The following SLC12A2 variants were observed in gnomAD, a reference collection of about 807,000 sequenced individuals.
The protein encoded by SLC12A2 is Na-K-2Cl cotransporter 1.
In SLC12A2, 67 loss-of-function variants were observed where a neutral mutation model predicts 136.3. The ratio of observed to expected loss-of-function variants is 0.49; its 90% CI spans 0.40 to 0.60. SLC12A2 has a LOEUF of 0.60. Among genes scored for constraint, SLC12A2 ranks in the 20% least tolerant of loss-of-function variants. SLC12A2 has a pLI of 0.00. For synonymous variants in SLC12A2, 619 were observed against 562.9 expected (o/e 1.10, Z -1.41); for missense variants, 1,322 against 1,534.7 (o/e 0.86, Z 2.32).
intron 4 of SLC12A2, among the ~76,000 whole-genome samples, chr5:128,121,311 A>AT (rs1170645665): frequency 1.3e-4 from 20 of 151,822 alleles, no homozygotes; most frequent in Admixed American, 9.2e-4. Flanking sequence ...GTGGGGTACT[A>AT]TTTTTTTATT....
Position 128,127,785 on chromosome 5 carries a change from T to G in SLC12A2, c.1049-3282T>G, listed in dbSNP as rs565409807. On this transcript the variant is annotated intron_variant, in intron 4 of 26. Coordinates refer to ENST00000262461, the MANE Select transcript of SLC12A2 (RefSeq NM_001046.3). ...GGATTTGTAATGACATGTCCCTGCT[T>G]TCATTCCTAATTTACTTTTTTCTTC... is the stretch of plus-strand genomic sequence containing the variant. Among the ~76,000 whole-genome samples, 3 of 152,256 alleles carry G rather than the reference T, an allele frequency of 2.0e-5. No homozygotes were observed. The South Asian group carries it at 6.2e-4, about 32-fold the overall frequency.
chr5:128,162,663 T>C (rs772058102), intron 17 of SLC12A2, among the ~76,000 whole-genome samples: 3 of 151,978 alleles, frequency 2.0e-5, no homozygotes, highest in Admixed American at 6.6e-5. Context: ...ACAAAAGATA[T>C]GGTCCAGAGT....
chr5:128,178,534 T>A (rs1763602448), intron 21 of SLC12A2, 33 bp from the exon 22 acceptor site: 1 of 1,486,646 alleles, frequency 6.7e-7, no homozygotes, highest in Non-Finnish European at 9.0e-7. Flanking sequence ...ATATTTACTT[T>A]GCTTACATTT....
intron 16 of SLC12A2, 46 bp downstream of exon 16, chr5:128,158,210 T>C (rs966148920): frequency 7.1e-7 from 1 of 1,400,562 alleles, no homozygotes; most frequent in Non-Finnish European, 1.0e-6. Context: ...TTTTAAAGTT[T>C]TATTTTAGGT....
Position 128,131,040 on chromosome 5 carries a change from T to C in SLC12A2, c.1049-27T>C, listed in dbSNP as rs746955987. On this transcript the variant is annotated intron_variant, in intron 4 of 26. Transcript: ENST00000262461. The stretch of plus-strand genomic sequence containing the variant: ...TTTAAATCCTAACTTTAGTACCTGT[T>C]TTTTTTGTTTGTTTGTTTGTTTTTA... 4.4e-6 allele frequency: 7 copies of C among 1,608,910 alleles called. No individual in the cohort carries two copies. The South Asian group carries it at 6.6e-5, about 15-fold the overall frequency.
At chr5:128,155,764 A>G (rs1462273935) in intron 15 of SLC12A2, among the ~76,000 whole-genome samples, 1 of 152,164 alleles carries the variant, frequency 6.6e-6, no homozygotes, top group Non-Finnish European at 1.5e-5. Flanking sequence ...GAAGTCCTTA[A>G]TGTAGATTAA....
At chr5:128,099,409 T>G (rs1272594276) in intron 1 of SLC12A2, among the ~76,000 whole-genome samples, 1 of 152,200 alleles carries the variant, frequency 6.6e-6, no homozygotes, top group Non-Finnish European at 1.5e-5. Flanking sequence ...TAGAAGTTAC[T>G]CTGAGTGAAT....
intron 17 of SLC12A2, among the ~76,000 whole-genome samples, chr5:128,166,642 C>CATA (rs1201527089): frequency 6.6e-6 from 1 of 151,778 alleles, no homozygotes; most frequent in Admixed American, 6.6e-5. Context: ...GTACATATTA[C>CATA]CAAGGGTTGG....
rs374646409 is a variant in SLC12A2 at position 128,131,056 on chromosome 5, T to C, written c.1049-11T>C. 1.2e-6 allele frequency: 2 copies of C among 1,611,810 alleles called. No homozygotes were observed. Among genetic ancestry groups the C allele is most frequent in the Non-Finnish European group, 1.7e-6 (2 of 1,179,002 alleles). ...AGTACCTGTTTTTTTTGTTTGTTTG[T>C]TTGTTTTTAGGAGGAGCATATTATT... On this transcript the variant is annotated splice_polypyrimidine_tract_variant and intron_variant, in intron 4 of 26. Coordinates refer to ENST00000262461, the MANE Select transcript of SLC12A2 (RefSeq NM_001046.3).
Position 128,158,041 on chromosome 5 carries a change from A to G in SLC12A2, c.2364-12A>G, listed in dbSNP as rs764242001. On this transcript the variant is annotated splice_polypyrimidine_tract_variant and intron_variant, in intron 15 of 26. Transcript: ENST00000262461. ...TTTATCTAATTTTGTTTGTCTTTTC[A>G]TCTTAAATTAGGCCACAGTGTCTTG... 8.2e-6 allele frequency: 13 copies of G among 1,591,452 alleles called. No individual in the cohort carries two copies. The South Asian group carries it at 1.2e-4, about 14-fold the overall frequency.
At chr5:128,110,839 G>T in intron 1 of SLC12A2, 1 of 1,466,304 alleles carries the variant, frequency 6.8e-7, no homozygotes, top group Non-Finnish European at 9.5e-7. Context: ...CATGGATGAT[G>T]ACATATTCTG....
Position 128,084,237 on chromosome 5 carries a change from G to A in SLC12A2, c.283G>A (p.Ala95Thr), listed in dbSNP as rs1440016177. Reference protein sequence around the residue: ...LVSENAGRAAAAAAAAAAAAA... With the variant: ...LVSENAGRAATAAAAAAAAAA... ...TTCCGAGAACGCCGGGCGGGCCGCT[G>A]CTGCGGCGGCGGCGGCGGCGGCGGC... Residue 95 changes from alanine (A) to threonine (T), a missense_variant, in exon 1 of 27, where the codon GCT becomes ACT. By Grantham distance (58) the Ala-to-Thr change is moderately conservative (BLOSUM62 0). Transcript: ENST00000262461. This position sits in a 1 kb window ranked among gnomAD's most constrained non-coding sequence, Gnocchi z 5.6. The A allele has an allele frequency of 4.7e-6, 6 of 1,283,006 alleles. No individual in the cohort carries two copies. Among genetic ancestry groups the A allele is most frequent in the Non-Finnish European group, 4.9e-6 (5 of 1,025,892 alleles). 79.5% of individuals were successfully genotyped at this position (1,283,006 alleles called of 1,614,324 possible).
chr5:128,114,700 A>AATC lies in SLC12A2; in HGVS notation c.1048+30_1048+32dup, dbSNP rs746535421. On this transcript the variant is annotated intron_variant, in intron 4 of 26. Transcript: ENST00000262461. ...AGAGGAGGTAAGTAGAATCTTTTTG[A>AATC]ATCATCATCATCAGATTACTCTTAC... 1 of 1,374,628 alleles carries AATC rather than the reference A, an allele frequency of 7.3e-7. No homozygotes were observed. The highest frequency in any genetic ancestry group is 1.0e-6 in the Non-Finnish European group (1 of 962,586). 85.2% of individuals were successfully genotyped at this position (1,374,628 alleles called of 1,614,324 possible).
intron 26 of SLC12A2, 39 bp from the exon 27 acceptor site, chr5:128,186,457 C>CA: frequency 6.9e-7 from 1 of 1,445,950 alleles, no homozygotes; most frequent in Non-Finnish European, 9.1e-7. Flanking sequence ...ATGCATTGCT[C>CA]AGGGTTTTTT....
chr5:128,149,630 T>C (rs1369767895), intron 12 of SLC12A2, among the ~76,000 whole-genome samples: 1 of 151,876 alleles, frequency 6.6e-6, no homozygotes, highest in East Asian at 1.9e-4. Flanking sequence ...AAAATAAATG[T>C]AAAAGATCAA....
In SLC12A2 at chr5:128,150,091, A is replaced by G; in HGVS notation, c.2100A>G (p.Lys700=). The G allele has an allele frequency of 6.3e-7, 1 of 1,578,030 alleles. No homozygotes were observed. The highest frequency in any genetic ancestry group is 1.7e-5 in the Admixed American group (1 of 59,220). ...CAGTATTCCATGCATCACTTGCAAA[A>G]TCTCCAGGTAATTTTACATTTTTAA... ...NFSVFHASLA[K]SPGWRPAFKY... The change falls in exon 13 of 27, where the codon AAA becomes AAG. Residue 700 remains lysine, a synonymous_variant. Transcript: ENST00000262461.
At chr5:128,154,065 A>C (rs1233419727) in intron 15 of SLC12A2, among the ~76,000 whole-genome samples, 2 of 134,022 alleles carry the variant, frequency 1.5e-5, no homozygotes, top group African/African-American at 3.4e-5. Flanking sequence ...TTAAAAAAAA[A>C]AACAAAAAAA....
rs916474446 is a variant in SLC12A2 at position 128,148,690 on chromosome 5, G to T, written c.1882-64G>T. 2.2e-6 allele frequency: 3 copies of T among 1,364,312 alleles called. No homozygotes were observed. In the African/African-American group the frequency reaches 4.4e-5, roughly 20 times the overall value. The allele number at this position is 1,364,312 out of a possible 1,614,324, so 84.5% of individuals were successfully genotyped here. The stretch of plus-strand genomic sequence containing the variant: ...AATCTCATTCCTGATTAACCTATTA[G>T]AACTATCAGCAAATCTGCATGTCTA... On this transcript the variant is annotated intron_variant, in intron 11 of 26. Coordinates refer to ENST00000262461, the MANE Select transcript of SLC12A2 (RefSeq NM_001046.3).
At chr5:128,148,916 T>C in intron 12 of SLC12A2, 39 bp downstream of exon 12, 1 of 1,504,978 alleles carries the variant, frequency 6.6e-7, no homozygotes, top group Non-Finnish European at 9.0e-7. Flanking sequence ...AGATTTTTGG[T>C]GCATATTAGT....
Sources: gnomAD v4.1 joint callset for allele counts (sites outside exome capture counted in the v4.1 genomes callset) on GRCh38, gnomAD v4.1.1 for gene constraint, Gnocchi (gnomAD v3.1) non-coding constraint, MANE v1.5 for transcripts, NCBI Gene and HGNC (gene_info 2026-07-23, HGNC 2026-07-21) for gene names.